RSPO2: variants seen among roughly 807,000 people sequenced by gnomAD.
RSPO2 encodes R-spondin-2.
Under a neutral mutation model 30.9 loss-of-function variants are expected in RSPO2, and 14 were observed. The observed-to-expected ratio is 0.45, with a 90% CI of 0.30 to 0.71. RSPO2 has a LOEUF of 0.71. Among genes scored for constraint, RSPO2 ranks in the 30% least tolerant of loss-of-function variants. The pLI is 0.08. For synonymous variants in RSPO2, 107 were observed against 96.4 expected, an observed-to-expected ratio of 1.11 and a Z score of -0.64; for missense variants, 264 against 301.9, an observed-to-expected ratio of 0.87 and a Z score of 0.93.
At chr8:108,067,393 G>A (rs927359986) in intron 2 of RSPO2, among the ~76,000 whole-genome samples, 15 of 152,190 alleles carry the variant, frequency 9.9e-5, no homozygotes, top group African/African-American at 3.6e-4. Context: ...TCAGAAATAT[G>A]TAGGGTGAAA....
intron 2 of RSPO2, among the ~76,000 whole-genome samples, chr8:108,061,227 G>C (rs1812452391): frequency 6.6e-6 from 1 of 151,736 alleles, no homozygotes; most frequent in Non-Finnish European, 1.5e-5. Flanking sequence ...CCAATTAAAA[G>C]ACACAGACTG....
intron 5 of RSPO2, among the ~76,000 whole-genome samples, chr8:107,917,903 T>A (rs1812028955): frequency 6.6e-6 from 1 of 152,162 alleles, no homozygotes; most frequent in Non-Finnish European, 1.5e-5. Context: ...CACAGACAAT[T>A]GTTGTCTTGT....
At chr8:107,977,605 G>A (rs1312025907) in intron 3 of RSPO2, among the ~76,000 whole-genome samples, 2 of 152,100 alleles carry the variant, frequency 1.3e-5, no homozygotes, top group African/African-American at 4.8e-5. Flanking sequence ...GGGGGAGTGG[G>A]TCTGAGAGAG....
chr8:108,052,982 G>A (rs563452790), intron 2 of RSPO2, among the ~76,000 whole-genome samples: 5 of 152,112 alleles, frequency 3.3e-5, no homozygotes, highest in Non-Finnish European at 7.4e-5. Context: ...TATACAGTTT[G>A]TGGCAGAGCT....
chr8:107,999,264 A>G (rs1422420479), intron 2 of RSPO2, among the ~76,000 whole-genome samples: 1 of 152,116 alleles, frequency 6.6e-6, no homozygotes, highest in African/African-American at 2.4e-5. Flanking sequence ...GTCTAGGAGT[A>G]TTTCCTTGGG....
intron 2 of RSPO2, among the ~76,000 whole-genome samples, chr8:108,050,140 A>G (rs1342468715): frequency 6.6e-6 from 1 of 152,178 alleles, no homozygotes; most frequent in South Asian, 2.1e-4. Context: ...ACTATAATTA[A>G]GTCAACATTA....
At chr8:107,998,738 A>C (rs926811060) in intron 2 of RSPO2, among the ~76,000 whole-genome samples, 2 of 152,142 alleles carry the variant, frequency 1.3e-5, no homozygotes, top group Non-Finnish European at 2.9e-5. Context: ...AAAATTCTAG[A>C]ACTCCTAGAA....
intron 3 of RSPO2, among the ~76,000 whole-genome samples, chr8:107,986,888 T>C (rs1373988195): frequency 6.6e-6 from 1 of 152,198 alleles, no homozygotes. Flanking sequence ...TATCTTCCTC[T>C]GGAAGTTTAT....
intron 2 of RSPO2, among the ~76,000 whole-genome samples, chr8:107,990,488 C>A (rs1003403649): frequency 2.0e-5 from 3 of 152,052 alleles, no homozygotes; most frequent in African/African-American, 7.2e-5. Flanking sequence ...CCTAGGAATA[C>A]AGGTAACTAA....
At chr8:108,067,816 C>T (rs1812719654) in intron 2 of RSPO2, among the ~76,000 whole-genome samples, 3 of 152,150 alleles carry the variant, frequency 2.0e-5, no homozygotes, top group African/African-American at 7.2e-5. Context: ...AGGCCAGGCA[C>T]GGTGGCTCAC....
chr8:108,071,308 G>A (rs965715065), intron 2 of RSPO2, among the ~76,000 whole-genome samples: 1 of 152,146 alleles, frequency 6.6e-6, no homozygotes, highest in African/African-American at 2.4e-5. Flanking sequence ...TAATTGACAG[G>A]ATTCAGTCAA....
intron 4 of RSPO2, among the ~76,000 whole-genome samples, chr8:107,959,960 A>T (rs552312457): frequency 6.6e-6 from 1 of 152,282 alleles, no homozygotes; most frequent in Non-Finnish European, 1.5e-5. Context: ...CATATCAGAT[A>T]TATAACATCA....
At chr8:107,988,499 G>A (rs771014664) in intron 3 of RSPO2, among the ~76,000 whole-genome samples, 9 of 151,692 alleles carry the variant, frequency 5.9e-5, no homozygotes, top group South Asian at 2.1e-4. Context: ...ACTTGAGATC[G>A]TTGTGATTAA....
chr8:108,028,456 G>C (rs920195761), intron 2 of RSPO2, among the ~76,000 whole-genome samples: 81 of 152,232 alleles, frequency 5.3e-4, no homozygotes, highest in African/African-American at 1.8e-3. Flanking sequence ...CTTCACTCCT[G>C]ATCTTTCCTT....
chr8:108,001,862 A>C (rs1441360643), intron 2 of RSPO2, among the ~76,000 whole-genome samples: 1 of 152,150 alleles, frequency 6.6e-6, no homozygotes, highest in Non-Finnish European at 1.5e-5. Context: ...AGAGGGGAAC[A>C]TCACACACCA....
At chr8:107,951,644 C>T (rs1426690477) in intron 5 of RSPO2, among the ~76,000 whole-genome samples, 1 of 152,110 alleles carries the variant, frequency 6.6e-6, no homozygotes, top group East Asian at 1.9e-4. Flanking sequence ...CTGCCCCAGA[C>T]TACATTGAAA....
chr8:108,064,463 C>T (rs1812590569), intron 2 of RSPO2, among the ~76,000 whole-genome samples: 1 of 152,160 alleles, frequency 6.6e-6, no homozygotes, highest in African/African-American at 2.4e-5. Context: ...CAAATCAAAA[C>T]CACAATGAGA....
intron 2 of RSPO2, among the ~76,000 whole-genome samples, chr8:108,008,796 A>T (rs1563561561): frequency 1.4e-5 from 2 of 147,930 alleles, no homozygotes; most frequent in African/African-American, 5.2e-5. Flanking sequence ...GCAAAAAAAA[A>T]AAAATAAAGA....
intron 3 of RSPO2, among the ~76,000 whole-genome samples, chr8:107,962,527 G>A (rs1299331503): frequency 6.6e-6 from 1 of 152,106 alleles, no homozygotes; most frequent in Non-Finnish European, 1.5e-5. Context: ...GAGGGAAATG[G>A]TAAGCACAGA....
Sources: gnomAD v4.1 joint callset for allele counts (sites outside exome capture counted in the v4.1 genomes callset) on GRCh38, gnomAD v4.1.1 for gene constraint, MANE v1.5 for transcripts, NCBI Gene and HGNC (gene_info 2026-07-23, HGNC 2026-07-21) for gene names.